Variants in KNSTRN observed in about 807,000 individuals in gnomAD.
KNSTRN encodes small kinetochore-associated protein.
KNSTRN carries 38 observed loss-of-function variants against 44.7 expected under a neutral mutation model. That is an observed-to-expected ratio of 0.85 (90% CI 0.66 to 1.11). The LOEUF (loss-of-function observed/expected upper bound fraction) is 1.11. Ranked by LOEUF, KNSTRN falls within the 50% of genes most tolerant of loss-of-function variation. The pLI is 0.00. For synonymous variants in KNSTRN, 158 were observed against 148.1 expected (o/e 1.07, Z -0.48); for missense variants, 406 against 375.8 (o/e 1.08, Z -0.66).
rs1457803225 is a variant in KNSTRN, at chr15:40,382,733, C to T, written c.-103C>T. 1 of 1,023,676 alleles carries T rather than the reference C, an allele frequency of 9.8e-7. No individual in the cohort carries two copies. The highest frequency in any genetic ancestry group is 1.6e-5 in the African/African-American group (1 of 61,978). 63.4% of individuals were successfully genotyped at this position (1,023,676 alleles called of 1,614,324 possible). ...ACGCTGGTAGCTCATTAGCTCCATT[C>T]AAGCCTACAAATTGCATCACCCTCC... On this transcript the variant is annotated 5_prime_UTR_variant, in exon 1 of 9. Coordinates refer to ENST00000249776, the MANE Select transcript of KNSTRN (RefSeq NM_033286.4).
rs1200058919 is a variant in KNSTRN, at chr15:40,389,927, C to T, written c.683C>T (p.Pro228Leu). Residue 228 changes from proline (P) to leucine (L), a missense_variant and splice_region_variant, in exon 6 of 9, where the codon CCA becomes CTA. By Grantham distance (98) the Pro-to-Leu change is moderately conservative. Transcript: ENST00000249776. ...ATTTTGGAGAGCAAGGGCCTTGATC[C>T]AGGTAAGAGACAGCACACAGCTAGC... ...LAILESKGLDPALGSETLASR... is the reference protein window; with the variant it reads ...LAILESKGLDLALGSETLASR... 1 of 1,613,352 alleles carries T rather than the reference C, an allele frequency of 6.2e-7. No individual in the cohort carries two copies. The highest frequency in any genetic ancestry group is 8.5e-7 in the Non-Finnish European group (1 of 1,179,264).
At chr15:40,387,322 C>T in intron 4 of KNSTRN, 116 bp downstream of exon 4, 1 of 849,662 alleles carries the variant, frequency 1.2e-6, no homozygotes, top group Non-Finnish European at 2.0e-6. Context: ...CTGGGTTCCA[C>T]CTCAGGAACC....
chr15:40,393,111 A>G (rs2141277164), intron 8 of KNSTRN: 1 of 1,430,164 alleles, frequency 7.0e-7, no homozygotes, highest in Non-Finnish European at 9.8e-7. Flanking sequence ...TGAGAACTAT[A>G]TGTAATCCAT....
At position 40,382,765 on chromosome 15, in the gene KNSTRN, G is replaced by A; in HGVS notation, c.-71G>A. 1 of 1,397,452 alleles carries A rather than the reference G, an allele frequency of 7.2e-7. No homozygotes were observed. Among genetic ancestry groups the A allele is most frequent in the Non-Finnish European group, 9.9e-7 (1 of 1,013,100 alleles). The allele number at this position is 1,397,452 out of a possible 1,614,324, so 86.6% of individuals were successfully genotyped here. ...ACAAATTGCATCACCCTCCTCCTCT[G>A]CCCAGACCTGGGGGCTCCAACACCT... On this transcript the variant is annotated 5_prime_UTR_variant, in exon 1 of 9. Coordinates refer to ENST00000249776, the MANE Select transcript of KNSTRN (RefSeq NM_033286.4).
chr15:40,393,005 AT>A (rs11321442), intron 8 of KNSTRN, among the ~76,000 whole-genome samples: 22,491 of 149,166 alleles, frequency 0.15, 1,812 homozygotes, highest in African/African-American at 0.19. Context: ...TTTTCCACTA[AT>A]TTTTTTTTTT....
intron 2 of KNSTRN, among the ~76,000 whole-genome samples, chr15:40,385,700 G>A (rs1167987802): frequency 6.6e-6 from 1 of 152,150 alleles, no homozygotes; most frequent in Non-Finnish European, 1.5e-5. Context: ...AGGAGAGTGT[G>A]CAGAGTGCTT....
intron 8 of KNSTRN, among the ~76,000 whole-genome samples, chr15:40,392,919 A>G (rs529292558): frequency 6.6e-6 from 1 of 152,012 alleles, no homozygotes; most frequent in Non-Finnish European, 1.5e-5. Context: ...CAGGAAAAAA[A>G]TTTTTTAAAA....
intron 8 of KNSTRN, among the ~76,000 whole-genome samples, chr15:40,392,771 C>T (rs112349340): frequency 0.012 from 1,835 of 152,104 alleles, 39 homozygotes; most frequent in African/African-American, 0.042. Context: ...CGACCATGAC[C>T]GGCTAATTTT....
intron 3 of KNSTRN, chr15:40,386,754 G>A: frequency 1.9e-6 from 1 of 525,080 alleles, no homozygotes. Context: ...CAGCACTGTA[G>A]TCATACAGCA....
rs1465456388 is a variant in KNSTRN, at chr15:40,389,910, GAGCA to G, written c.669_672del (p.Ser223ArgfsTer7). On this transcript the variant is annotated frameshift_variant, in exon 6 of 9. Transcript: ENST00000249776. LOFTEE classifies it high-confidence loss of function. ...GGGACAACTGTTTGGCAATTTTGGA[GAGCA>G]AGGGCCTTGATCCAGGTAAGAGACA... 1.2e-6 allele frequency: 2 copies of G among 1,614,148 alleles called. No homozygotes were observed. The highest frequency in any genetic ancestry group is 1.7e-5 in the Admixed American group (1 of 60,032).
chr15:40,382,940 AT>A lies in KNSTRN; in HGVS notation c.108del (p.Phe36LeufsTer8). 6.2e-7 allele frequency: 1 copy of A among 1,612,282 alleles called. No homozygotes were observed. The highest frequency in any genetic ancestry group is 1.1e-5 in the South Asian group (1 of 91,000). Reference protein sequence around the residue: ...PLPPSYRKFLFETQAADLAGG... With the variant: ...PLPPSYRKFLXETQAADLAGG... Reference sequence around the variant, plus strand: ...TTCCGCCTAGCTACCGGAAGTTTCTATTTGAAACCCAGGCGGCCGACTTAGC... The same window carrying A: ...TTCCGCCTAGCTACCGGAAGTTTCTATTGAAACCCAGGCGGCCGACTTAGC... On this transcript the variant is annotated frameshift_variant, in exon 1 of 9. Transcript: ENST00000249776. LOFTEE classifies it high-confidence loss of function.
rs373181667 is a variant in KNSTRN at position 40,387,212 on chromosome 15, C to T, written c.485+6C>T. Reference sequence around the variant, plus strand: ...AGAAGGAATGTCAGAAAAGGGTGAGCATCAGGGTAAATCAACTTGGCCACT... The same window carrying T: ...AGAAGGAATGTCAGAAAAGGGTGAGTATCAGGGTAAATCAACTTGGCCACT... On this transcript the variant is annotated splice_donor_region_variant and intron_variant, in intron 4 of 8. Coordinates refer to ENST00000249776, the MANE Select transcript of KNSTRN (RefSeq NM_033286.4). 29 of 1,609,866 alleles carry T rather than the reference C, an allele frequency of 1.8e-5. No homozygotes were observed. In the African/African-American group the frequency reaches 3.5e-4, roughly 19 times the overall value.
At chr15:40,386,979 CT>C (rs1889913761) in intron 3 of KNSTRN, 179 bp from the exon 4 acceptor site, 1 of 620,342 alleles carries the variant, frequency 1.6e-6, no homozygotes, top group Non-Finnish European at 2.9e-6. Flanking sequence ...ACTAAAAAGC[CT>C]TTTCAATAAT....
At position 40,382,930 on chromosome 15, in the gene KNSTRN, G is replaced by C. The variant is rs745844593; in HGVS notation, c.95G>C (p.Arg32Pro). The C allele has an allele frequency of 3.7e-6, 6 of 1,612,202 alleles. No individual in the cohort carries two copies. Among genetic ancestry groups the C allele is most frequent in the African/African-American group, 1.3e-5 (1 of 74,874 alleles). The change falls in exon 1 of 9, where the codon CGG (arginine) becomes CCG (proline). Residue 32 changes from arginine (R) to proline (P), a missense_variant. Coordinates refer to ENST00000249776, the MANE Select transcript of KNSTRN (RefSeq NM_033286.4). ...CDSHPLPPSY[R>P]KFLFETQAAD... ...TCCCACCCACTTCCGCCTAGCTACC[G>C]GAAGTTTCTATTTGAAACCCAGGCG...
At chr15:40,391,922 G>T in intron 7 of KNSTRN, 27 bp from the exon 8 acceptor site, 1 of 1,583,724 alleles carries the variant, frequency 6.3e-7, no homozygotes, top group Non-Finnish European at 8.6e-7. Flanking sequence ...ATGAAGATTT[G>T]TTTACTACAT....
chr15:40,385,593 G>A (rs1008645481), intron 2 of KNSTRN, among the ~76,000 whole-genome samples: 3 of 152,136 alleles, frequency 2.0e-5, no homozygotes, highest in Admixed American at 6.5e-5. Context: ...CCTAGGTGAT[G>A]GGGACACAAA....
intron 8 of KNSTRN, 53 bp from the exon 9 acceptor site, chr15:40,393,416 A>C: frequency 6.3e-7 from 1 of 1,599,706 alleles, no homozygotes; most frequent in Non-Finnish European, 8.5e-7. Context: ...GTTTCCTGTT[A>C]GTCAAGAGTT....
At chr15:40,385,576 A>G (rs999810071) in intron 2 of KNSTRN, among the ~76,000 whole-genome samples, 3 of 152,222 alleles carry the variant, frequency 2.0e-5, no homozygotes, top group African/African-American at 7.2e-5. Context: ...CATATGCCAG[A>G]TACTTTCCTA....
rs778886090 is a variant in KNSTRN, at chr15:40,383,244, C to G, written c.226C>G (p.Leu76Val). ...ACCTTCCAGGGTTCAGCCGTGCCGC[C>G]TCGTTACGATGACCAGTGTGGTTAA... ...RRAPGVQPCR[L>V]VTMTSVVKTV... Residue 76 changes from leucine to valine, a missense_variant, in exon 2 of 9, where the codon CTC becomes GTC. Leu to Val is a conservative substitution (Grantham distance 32). Coordinates refer to ENST00000249776, the MANE Select transcript of KNSTRN (RefSeq NM_033286.4). The G allele has an allele frequency of 1.2e-6, 2 of 1,614,110 alleles. No homozygotes were observed. The highest frequency in any genetic ancestry group is 1.1e-5 in the South Asian group (1 of 91,084).
Sources: gnomAD v4.1 joint callset for allele counts (sites outside exome capture counted in the v4.1 genomes callset) on GRCh38, gnomAD v4.1.1 for gene constraint, MANE v1.5 for transcripts, NCBI Gene and HGNC (gene_info 2026-07-23, HGNC 2026-07-21) for gene names.